CDH23: variants seen among roughly 807,000 people sequenced by gnomAD.
CDH23 encodes the protein cadherin related 23.
In CDH23, 189 loss-of-function variants were observed where a neutral mutation model predicts 317.1. The observed-to-expected ratio is 0.60, with a 90% CI of 0.53 to 0.67. The LOEUF is 0.67. Among genes scored for constraint, CDH23 ranks in the 30% least tolerant of loss-of-function variants. The probability of loss-of-function intolerance (pLI) is 0.00; values close to 1 mark genes in which losing one functional copy is unlikely to be tolerated. For synonymous variants in CDH23, 1,839 were observed against 1,876.8 expected, an observed-to-expected ratio of 0.98 and a Z score of 0.52; for missense variants, 4,401 against 4,592.4, an observed-to-expected ratio of 0.96 and a Z score of 1.20.
chr10:71,403,087 A>G (rs1443405200), intron 1 of CDH23, among the ~76,000 whole-genome samples: 1 of 152,048 alleles, frequency 6.6e-6, no homozygotes, highest in Non-Finnish European at 1.5e-5. Flanking sequence ...GCGCCACTGC[A>G]CTCCAGCCTG....
At chr10:71,753,309 A>G (rs1296931747) in intron 38 of CDH23, among the ~76,000 whole-genome samples, 1 of 152,236 alleles carries the variant, frequency 6.6e-6, no homozygotes, top group Non-Finnish European at 1.5e-5. Flanking sequence ...GCTTTCTCCT[A>G]TGGCTTGACT....
At chr10:71,689,299 T>G (rs1357607409) in intron 19 of CDH23, among the ~76,000 whole-genome samples, 2 of 151,996 alleles carry the variant, frequency 1.3e-5, no homozygotes, top group Admixed American at 6.5e-5. Flanking sequence ...TGGGTACCAC[T>G]CTGGCACCTG....
intron 6 of CDH23, among the ~76,000 whole-genome samples, chr10:71,556,880 C>A (rs1411319370): frequency 6.6e-6 from 1 of 152,114 alleles, no homozygotes; most frequent in Admixed American, 6.5e-5. Context: ...GATTTTTCAC[C>A]TATGAAGGAT....
At chr10:71,605,050 C>T (rs1296040291) in intron 9 of CDH23, among the ~76,000 whole-genome samples, 1 of 152,192 alleles carries the variant, frequency 6.6e-6, no homozygotes, top group Non-Finnish European at 1.5e-5. Flanking sequence ...CTAGCACCAA[C>T]TTGGAACACA....
intron 38 of CDH23, chr10:71,753,118 G>T: frequency 8.1e-7 from 1 of 1,234,420 alleles, no homozygotes. Context: ...GGAGGGCCCT[G>T]CACAGCTCCG....
chr10:71,688,581 T>C (rs1421474744), intron 19 of CDH23, among the ~76,000 whole-genome samples: 50 of 70,410 alleles, frequency 7.1e-4, no homozygotes, highest in East Asian at 8.9e-4. Flanking sequence ...GGTTGTGGAG[T>C]CAGGGGTGGT....
At chr10:71,617,793 G>T (rs1861271129) in intron 11 of CDH23, among the ~76,000 whole-genome samples, 1 of 152,072 alleles carries the variant, frequency 6.6e-6, no homozygotes, top group South Asian at 2.1e-4. Context: ...AGAAGTTTGA[G>T]ACCAGCCTGT....
At chr10:71,509,983 G>A in intron 3 of CDH23, 99 bp from the exon 4 acceptor site, 1 of 1,372,276 alleles carries the variant, frequency 7.3e-7, no homozygotes, top group Non-Finnish European at 1.0e-6. Flanking sequence ...ATTGCTGAAT[G>A]GCCACTCCCT....
At chr10:71,433,901 G>T (rs540206305) in intron 1 of CDH23, among the ~76,000 whole-genome samples, 67 of 150,876 alleles carry the variant, frequency 4.4e-4, no homozygotes, top group Non-Finnish European at 7.8e-4. Flanking sequence ...TCCCACCCAT[G>T]CCCCCTACAG....
chr10:71,556,252 G>T (rs1856870321), intron 6 of CDH23, among the ~76,000 whole-genome samples: 1 of 152,150 alleles, frequency 6.6e-6, no homozygotes, highest in Admixed American at 6.5e-5. Context: ...ATGAGATGCT[G>T]GATGAGTGCT....
At chr10:71,647,772 C>G (rs898862435) in intron 14 of CDH23, 3 of 152,222 alleles carry the variant, frequency 2.0e-5, no homozygotes, top group African/African-American at 7.2e-5. Context: ...TGAATTACAC[C>G]GTCTGAGAAT....
At chr10:71,783,878 G>A (rs1841024173) in intron 41 of CDH23, among the ~76,000 whole-genome samples, 1 of 152,238 alleles carries the variant, frequency 6.6e-6, no homozygotes, top group African/African-American at 2.4e-5. Flanking sequence ...TGGCATGTGG[G>A]ATGGATCGTA....
At chr10:71,404,956 C>G (rs1448887734) in intron 1 of CDH23, among the ~76,000 whole-genome samples, 2 of 151,972 alleles carry the variant, frequency 1.3e-5, no homozygotes, top group Non-Finnish European at 2.9e-5. Context: ...TGGGAGCCAG[C>G]GAAAGCAAGG....
At chr10:71,643,808 C>T (rs1473762463) in intron 11 of CDH23, 53 bp from the exon 12 acceptor site, 7 of 765,024 alleles carry the variant, frequency 9.2e-6, no homozygotes, top group South Asian at 1.3e-5. Context: ...CATACCTCTC[C>T]GGCTCCTTCT....
intron 19 of CDH23, among the ~76,000 whole-genome samples, chr10:71,689,152 T>G (rs370457766): frequency 1.2e-5 from 1 of 80,250 alleles, no homozygotes; most frequent in African/African-American, 4.8e-5. Context: ...GGTGGTGGAG[T>G]CAGGGATGGT....
In CDH23 at chr10:71,777,921, A is replaced by C; in HGVS notation, c.5067+20A>C. The C allele has an allele frequency of 6.2e-7, 1 of 1,613,386 alleles. No homozygotes were observed. The highest frequency in any genetic ancestry group is 8.5e-7 in the Non-Finnish European group (1 of 1,179,448). On this transcript the variant is annotated intron_variant, in intron 39 of 69. Transcript: ENST00000224721. ...CACATGGTCAGCAGCTGATGGCAGGATCAAGACAAGGGGCGAAACCTATCC... is the reference window on the plus strand; with the variant it reads ...CACATGGTCAGCAGCTGATGGCAGGCTCAAGACAAGGGGCGAAACCTATCC...
At chr10:71,783,873 T>C (rs766806136) in intron 41 of CDH23, among the ~76,000 whole-genome samples, 26 of 152,206 alleles carry the variant, frequency 1.7e-4, no homozygotes, top group Non-Finnish European at 3.2e-4. Flanking sequence ...AGCCATGGCA[T>C]GTGGGATGGA....
chr10:71,760,284 T>TACACACACAC (rs1840340409), intron 38 of CDH23, among the ~76,000 whole-genome samples: 4 of 108,782 alleles, frequency 3.7e-5, no homozygotes, highest in Admixed American at 1.0e-4. Context: ...TATGTATGTA[T>TACACACACAC]ATATGTGTAT....
intron 11 of CDH23, among the ~76,000 whole-genome samples, chr10:71,625,560 T>C (rs1386888872): frequency 6.6e-6 from 1 of 152,152 alleles, no homozygotes; most frequent in African/African-American, 2.4e-5. Flanking sequence ...GTCACCCTCA[T>C]TTTCCATTCC....
Sources: allele counts gnomAD v4.1 joint callset (sites outside exome capture counted in the v4.1 genomes callset), GRCh38; gene constraint gnomAD v4.1.1; transcripts MANE v1.5; gene names NCBI Gene and HGNC (gene_info 2026-07-23, HGNC 2026-07-21).